TNFSF12: variants seen among roughly 807,000 people sequenced by gnomAD.
The protein encoded by TNFSF12 is tumor necrosis factor ligand superfamily member 12.
A neutral mutation model predicts 31.2 loss-of-function variants in TNFSF12; 16 were observed. That is an observed-to-expected ratio of 0.51 (90% CI 0.35 to 0.78). The LOEUF (loss-of-function observed/expected upper bound fraction) is 0.78, where lower values mean the gene tolerates loss of function less well. TNFSF12 is among the 30% of genes least tolerant of loss of function. TNFSF12 has a pLI of 0.01. For synonymous variants in TNFSF12, 150 were observed against 151.4 expected (o/e 0.99, Z 0.07); for missense variants, 324 against 338.8 (o/e 0.96, Z 0.34).
chr17:7,550,131 C>T lies in TNFSF12; in HGVS notation c.219C>T (p.Pro73=). Residue 73 remains proline, a synonymous_variant, in exon 3 of 7, where the codon CCC becomes CCT. Transcript: ENST00000293825. The surrounding 1 kb of genome is among the most constrained non-coding windows in gnomAD (Gnocchi z 4.4). ...EEDQDPSELN[P]QTEESQDPAP... The stretch of plus-strand genomic sequence containing the variant: ...CCTAATTCCCCTAGGAACTGAATCC[C>T]CAGACAGAAGAAAGCCAGGATCCTG... 1 of 1,614,098 alleles carries T rather than the reference C, an allele frequency of 6.2e-7. No homozygotes were observed. The highest frequency in any genetic ancestry group is 8.5e-7 in the Non-Finnish European group (1 of 1,179,990).
intron 5 of TNFSF12, among the ~76,000 whole-genome samples, chr17:7,552,794 C>T (rs1567720993): frequency 6.6e-6 from 1 of 152,106 alleles, no homozygotes; most frequent in Non-Finnish European, 1.5e-5. Context: ...GGGAGGGTGG[C>T]ATCCTGGATT....
chr17:7,551,780 G>A (rs780489746), intron 5 of TNFSF12, among the ~76,000 whole-genome samples: 3 of 152,102 alleles, frequency 2.0e-5, no homozygotes, highest in Non-Finnish European at 4.4e-5. Context: ...AGGAATCACA[G>A]ATGACTTCTA....
rs2071079450 is a variant in TNFSF12 at position 7,557,042 on chromosome 17, G to A, written c.499-57G>A. ...GGATGCCTGCGTCGCTGAGGAAATT[G>A]GAAATTGAGGCGAGGGCAGGCAGAG... On this transcript the variant is annotated intron_variant, in intron 6 of 6. Coordinates refer to ENST00000293825, the MANE Select transcript of TNFSF12 (RefSeq NM_003809.3). This position sits in a 1 kb window ranked among gnomAD's most constrained non-coding sequence, Gnocchi z 5.2. The A allele has an allele frequency of 1.3e-6, 2 of 1,562,418 alleles. No individual in the cohort carries two copies. The highest frequency in any genetic ancestry group is 1.2e-5 in the South Asian group (1 of 84,110).
Position 7,549,212 on chromosome 17 carries a change from T to C in TNFSF12, c.59T>C (p.Leu20Pro), listed in dbSNP as rs1304494728. 2 of 1,346,178 alleles carry C rather than the reference T, an allele frequency of 1.5e-6. No individual in the cohort carries two copies. The highest frequency in any genetic ancestry group is 1.9e-6 in the Non-Finnish European group (2 of 1,053,232). 83.4% of individuals were successfully genotyped at this position (1,346,178 alleles called of 1,614,324 possible). ...RGRRGEPGTA[L>P]LVPLALGLGL... ...CGCCGGGGGGAGCCGGGCACCGCCCTGCTGGTCCCGCTCGCGCTGGGCCTG... is the reference window on the plus strand; with the variant it reads ...CGCCGGGGGGAGCCGGGCACCGCCCCGCTGGTCCCGCTCGCGCTGGGCCTG... Residue 20 changes from leucine to proline, a missense_variant, in exon 1 of 7, where the codon CTG (leucine) becomes CCG (proline). Leu to Pro is a moderately conservative substitution (Grantham distance 98, BLOSUM62 -3). Transcript: ENST00000293825. This position sits in a 1 kb window ranked among gnomAD's most constrained non-coding sequence, Gnocchi z 4.1.
Position 7,550,911 on chromosome 17 carries a change from A to G in TNFSF12, c.338-32A>G. On this transcript the variant is annotated intron_variant, in intron 4 of 6. Coordinates refer to ENST00000293825, the MANE Select transcript of TNFSF12 (RefSeq NM_003809.3). This position sits in a 1 kb window ranked among gnomAD's most constrained non-coding sequence, Gnocchi z 4.4. ...GGGGCAGGTGGCAGAGGGTCAGGGCAGGTCTCACCAGCCTTTTCCTGTACT... is the reference window on the plus strand; with the variant it reads ...GGGGCAGGTGGCAGAGGGTCAGGGCGGGTCTCACCAGCCTTTTCCTGTACT... The G allele has an allele frequency of 1.2e-6, 2 of 1,614,106 alleles. No homozygotes were observed. Among genetic ancestry groups the G allele is most frequent in the East Asian group, 2.2e-5 (1 of 44,878 alleles).
intron 5 of TNFSF12, among the ~76,000 whole-genome samples, chr17:7,552,682 G>T (rs905456624): frequency 2.0e-5 from 3 of 152,080 alleles, no homozygotes; most frequent in Non-Finnish European, 2.9e-5. Context: ...AGAAAGAAGG[G>T]CCCCACGAAT....
Position 7,549,272 on chromosome 17 carries a change from C to A in TNFSF12, c.119C>A (p.Ala40Asp). The stretch of plus-strand genomic sequence containing the variant: ...CTGGCCTGCCTCGGCCTCCTGCTGG[C>A]CGTGGTCAGTTTGGGGAGCCGGGCA... ...LALACLGLLL[A>D]VVSLGSRASL... Residue 40 changes from alanine to aspartate, a missense_variant, in exon 1 of 7, where the codon GCC (alanine) becomes GAC (aspartate). Ala to Asp is a moderately radical substitution (Grantham distance 126). Coordinates refer to ENST00000293825, the MANE Select transcript of TNFSF12 (RefSeq NM_003809.3). The surrounding 1 kb of genome is among the most constrained non-coding windows in gnomAD (Gnocchi z 4.1). 1 of 1,398,514 alleles carries A rather than the reference C, an allele frequency of 7.2e-7. No homozygotes were observed. The highest frequency in any genetic ancestry group is 9.3e-7 in the Non-Finnish European group (1 of 1,079,400). 86.6% of individuals were successfully genotyped at this position (1,398,514 alleles called of 1,614,324 possible).
At chr17:7,553,829 G>C (rs2071027514) in intron 5 of TNFSF12, 1 of 1,117,574 alleles carries the variant, frequency 8.9e-7, no homozygotes, top group Non-Finnish European at 1.1e-6. Flanking sequence ...AGACCAGGTG[G>C]GTTTGTAGAT....
At position 7,557,115 on chromosome 17, in the gene TNFSF12, G is replaced by C; in HGVS notation, c.515G>C (p.Gly172Ala). Residue 172 changes from glycine (G) to alanine (A), a missense_variant, in exon 7 of 7, where the codon GGG becomes GCG. Physicochemically the swap from Gly to Ala is moderately conservative, Grantham distance 60. Coordinates refer to ENST00000293825, the MANE Select transcript of TNFSF12 (RefSeq NM_003809.3). The surrounding 1 kb of genome is among the most constrained non-coding windows in gnomAD (Gnocchi z 5.2). ...CCACCCCAGGTGCACTTTGATGAGG[G>C]GAAGGCTGTCTACCTGAAGCTGGAC... is the stretch of plus-strand genomic sequence containing the variant. Reference protein sequence around the residue: ...YLYCQVHFDEGKAVYLKLDLL... With the variant: ...YLYCQVHFDEAKAVYLKLDLL... 1.2e-6 allele frequency: 2 copies of C among 1,613,084 alleles called. No individual in the cohort carries two copies. The highest frequency in any genetic ancestry group is 1.7e-6 in the Non-Finnish European group (2 of 1,179,530).
chr17:7,557,385 C>A lies in TNFSF12; in HGVS notation c.*35C>A. 6.5e-7 allele frequency: 1 copy of A among 1,546,798 alleles called. No homozygotes were observed. Among genetic ancestry groups the A allele is most frequent in the African/African-American group, 1.4e-5 (1 of 73,614 alleles). On this transcript the variant is annotated 3_prime_UTR_variant, in exon 7 of 7. Coordinates refer to ENST00000293825, the MANE Select transcript of TNFSF12 (RefSeq NM_003809.3). The surrounding 1 kb of genome is among the most constrained non-coding windows in gnomAD (Gnocchi z 5.2). ...GTCTCCCCGCAGTCGTCCCAGGCTG[C>A]CGGCTCCCCTCGACAGCTCTCTGGG...
rs1383144941 is a variant in TNFSF12, at chr17:7,550,605, A to G, written c.284-194A>G. Among the ~76,000 whole-genome samples, 1 of 152,150 alleles carries G rather than the reference A, an allele frequency of 6.6e-6. No individual in the cohort carries two copies. Among genetic ancestry groups the G allele is most frequent in the Non-Finnish European group, 1.5e-5 (1 of 68,028 alleles). ...AATAGCAGCTTCCCGTTTTGCTCTC[A>G]GCAGTATCCCAGTGTGGATGACAAA... On this transcript the variant is annotated intron_variant, in intron 3 of 6. Coordinates refer to ENST00000293825, the MANE Select transcript of TNFSF12 (RefSeq NM_003809.3). This position sits in a 1 kb window ranked among gnomAD's most constrained non-coding sequence, Gnocchi z 4.4.
chr17:7,549,928 G>C lies in TNFSF12; in HGVS notation c.208-192G>C. 5.4e-6 allele frequency: 4 copies of C among 738,966 alleles called. No individual in the cohort carries two copies. Among genetic ancestry groups the C allele is most frequent in the Non-Finnish European group, 8.8e-6 (4 of 453,166 alleles). 45.8% of individuals were successfully genotyped at this position (738,966 alleles called of 1,614,324 possible). A position where few individuals can be genotyped will look rare whatever the true frequency, so the allele number is the denominator to read the frequency against. ...GGTGGGAAAGTGTAGCTGGTCTAGA[G>C]GAAAGGGTGAGGACTGGGGCCTGAC... On this transcript the variant is annotated intron_variant, in intron 2 of 6. Coordinates refer to ENST00000293825, the MANE Select transcript of TNFSF12 (RefSeq NM_003809.3). The surrounding 1 kb of genome is among the most constrained non-coding windows in gnomAD (Gnocchi z 4.1).
intron 5 of TNFSF12, among the ~76,000 whole-genome samples, chr17:7,551,799 A>AT (rs1003335001): frequency 3.9e-5 from 6 of 151,926 alleles, no homozygotes; most frequent in South Asian, 2.1e-4. Flanking sequence ...TAGATTTTTT[A>AT]TTTTTTTTAA....
Position 7,550,147 on chromosome 17 carries a change from C to G in TNFSF12, c.235C>G (p.Gln79Glu). The change falls in exon 3 of 7, where the codon CAG (glutamine) becomes GAG (glutamate). Residue 79 changes from glutamine (Q) to glutamate (E), a missense_variant. By Grantham distance (29) the Gln-to-Glu change is conservative. Coordinates refer to ENST00000293825, the MANE Select transcript of TNFSF12 (RefSeq NM_003809.3). The surrounding 1 kb of genome is among the most constrained non-coding windows in gnomAD (Gnocchi z 4.4). ...SELNPQTEESQDPAPFLNRLV... is the reference protein window; with the variant it reads ...SELNPQTEESEDPAPFLNRLV... ...ACTGAATCCCCAGACAGAAGAAAGC[C>G]AGGATCCTGCGCCTTTCCTGAACCG... The G allele has an allele frequency of 7.4e-6, 12 of 1,614,124 alleles. No individual in the cohort carries two copies. Among genetic ancestry groups the G allele is most frequent in the Non-Finnish European group, 1.0e-5 (12 of 1,180,008 alleles).
Position 7,557,534 on chromosome 17 carries a change from T to C in TNFSF12, c.*184T>C, listed in dbSNP as rs2071089176. The C allele has an allele frequency of 1.2e-6, 1 of 824,540 alleles. No individual in the cohort carries two copies. Among genetic ancestry groups the C allele is most frequent in the Middle Eastern group, 3.7e-4 (1 of 2,692 alleles). 51.1% of individuals were successfully genotyped at this position (824,540 alleles called of 1,614,324 possible). On this transcript the variant is annotated 3_prime_UTR_variant, in exon 7 of 7. Coordinates refer to ENST00000293825, the MANE Select transcript of TNFSF12 (RefSeq NM_003809.3). This position sits in a 1 kb window ranked among gnomAD's most constrained non-coding sequence, Gnocchi z 5.2. ...CATAAATACAGTATTCCCACTCTTATCTTACAACTCCCCCACCGCCCACTC... is the reference window on the plus strand; with the variant it reads ...CATAAATACAGTATTCCCACTCTTACCTTACAACTCCCCCACCGCCCACTC...
rs1421612208 is a variant in TNFSF12, at chr17:7,556,804, G to A, written c.400G>A (p.Glu134Lys). 6.5e-7 allele frequency: 1 copy of A among 1,546,342 alleles called. No individual in the cohort carries two copies. Among genetic ancestry groups the A allele is most frequent in the East Asian group, 2.3e-5 (1 of 43,862 alleles). Residue 134 changes from glutamate to lysine, a missense_variant, in exon 6 of 7, where the codon GAG (glutamate) becomes AAG (lysine). Glu to Lys is a moderately conservative substitution (Grantham distance 56). Coordinates refer to ENST00000293825, the MANE Select transcript of TNFSF12 (RefSeq NM_003809.3). ...TGTGGACGGGACAGTGAGTGGCTGG[G>A]AGGAAGCCAGAATCAACAGCTCCAG... The part of the protein sequence containing the change: ...AGVDGTVSGW[E>K]EARINSSSPL...
chr17:7,555,688 G>A (rs1377452363), intron 5 of TNFSF12, among the ~76,000 whole-genome samples: 1 of 152,160 alleles, frequency 6.6e-6, no homozygotes, highest in Non-Finnish European at 1.5e-5. Flanking sequence ...TTAGGAGGCA[G>A]GATAGATAGG....
At position 7,549,654 on chromosome 17, in the gene TNFSF12, TGGGTGCGTGTCTGCAG is replaced by T; in HGVS notation, c.207+139_207+154del. On this transcript the variant is annotated intron_variant, in intron 2 of 6. Coordinates refer to ENST00000293825, the MANE Select transcript of TNFSF12 (RefSeq NM_003809.3). The surrounding 1 kb of genome is among the most constrained non-coding windows in gnomAD (Gnocchi z 4.1). Reference sequence around the variant, plus strand: ...GGTGTGTGTGAACACAGTGCGTGCATGGGTGCGTGTCTGCAGGGGTGTGTGTGCGTGGTGACAACTC... The same window carrying T: ...GGTGTGTGTGAACACAGTGCGTGCATGGGTGTGTGTGCGTGGTGACAACTC... The T allele has an allele frequency of 7.4e-7, 1 of 1,356,350 alleles. No individual in the cohort carries two copies. The highest frequency in any genetic ancestry group is 9.7e-7 in the Non-Finnish European group (1 of 1,027,586). The allele number at this position is 1,356,350 out of a possible 1,614,324, so 84.0% of individuals were successfully genotyped here.
rs758090917 is a variant in TNFSF12 at position 7,549,504 on chromosome 17, G to A, written c.190G>A (p.Glu64Lys). 30 of 1,551,808 alleles carry A rather than the reference G, an allele frequency of 1.9e-5. No individual in the cohort carries two copies. The highest frequency in any genetic ancestry group is 7.1e-5 in the East Asian group (3 of 42,112). Residue 64 changes from glutamate to lysine, a missense_variant, in exon 2 of 7, where the codon GAG (glutamate) becomes AAG (lysine). Transcript: ENST00000293825. This position sits in a 1 kb window ranked among gnomAD's most constrained non-coding sequence, Gnocchi z 4.1. The part of the protein sequence containing the change: ...EPAQEELVAE[E>K]DQDPSELNPQ... ...TGCCCAGGAGGAGCTGGTGGCAGAG[G>A]AGGACCAGGACCCGTCGGTGAGTGG...
Sources: allele counts gnomAD v4.1 joint callset (sites outside exome capture counted in the v4.1 genomes callset), GRCh38; gene constraint gnomAD v4.1.1; non-coding constraint Gnocchi (gnomAD v3.1); transcripts MANE v1.5; gene names NCBI Gene and HGNC (gene_info 2026-07-23, HGNC 2026-07-21).